PPL: variants seen among roughly 807,000 people sequenced by gnomAD.
PPL encodes the protein periplakin, also known as 190 kDa paraneoplastic pemphigus antigen.
A neutral mutation model predicts 194.4 loss-of-function variants in PPL; 198 were observed. The observed-to-expected ratio is 1.02, with a 90% CI of 0.91 to 1.15. PPL has a LOEUF of 1.15. PPL is among the 50% of genes most tolerant of loss of function. The probability of loss-of-function intolerance (pLI) is 0.00; values close to 1 mark genes in which losing one functional copy is unlikely to be tolerated. For missense variants in PPL, 2,885 were observed against 2,294.8 expected (o/e 1.26, Z -5.25); for synonymous variants, 1,220 against 972.4 (o/e 1.25, Z -4.74).
chr16:4,907,445 G>C (rs1568027960), intron 2 of PPL, among the ~76,000 whole-genome samples: 1 of 152,046 alleles, frequency 6.6e-6, no homozygotes, highest in Non-Finnish European at 1.5e-5. Flanking sequence ...TTTTCTGCAT[G>C]TTTAGCATTT....
chr16:4,912,549 T>A (rs2088839002), intron 1 of PPL, among the ~76,000 whole-genome samples: 1 of 152,272 alleles, frequency 6.6e-6, no homozygotes, highest in Non-Finnish European at 1.5e-5. Context: ...GTCTTATTTT[T>A]AATTACCTGA....
At position 4,892,081 on chromosome 16, in the gene PPL, G is replaced by A. The variant is rs756117489; in HGVS notation, c.1783C>T (p.Arg595Trp). The A allele has an allele frequency of 1.2e-5, 19 of 1,613,646 alleles. No individual in the cohort carries two copies. The highest frequency in any genetic ancestry group is 2.7e-5 in the African/African-American group (2 of 74,916). Residue 595 changes from arginine (R) to tryptophan (W), a missense_variant, in exon 15 of 22, where the codon CGG becomes TGG. By Grantham distance (101) the Arg-to-Trp change is moderately radical. Coordinates refer to ENST00000345988, the MANE Select transcript of PPL (RefSeq NM_002705.5). ...AGCTGCAGGAGGTGCTCGTATTTCC[G>A]GTTGGTGTCCTCCACCCGGGTCCTC... is the stretch of plus-strand genomic sequence containing the variant. ...LLRTRVEDTN[R>W]KYEHLLQLLD...
Position 4,883,608 on chromosome 16 carries a change from T to G in PPL, c.5047A>C (p.Asn1683His). Reference protein sequence around the residue: ...EAHRAGLIDWNMFVKLRSQEC... With the variant: ...EAHRAGLIDWHMFVKLRSQEC... ...TGGCTTCTGAGTTTCACGAACATGT[T>G]CCAGTCAATGAGCCCGGCACGGTGG... The change falls in exon 22 of 22, where the codon AAC becomes CAC. Residue 1683 changes from asparagine to histidine, a missense_variant. Coordinates refer to ENST00000345988, the MANE Select transcript of PPL (RefSeq NM_002705.5). This position sits in a 1 kb window ranked among gnomAD's most constrained non-coding sequence, Gnocchi z 4.8. The G allele has an allele frequency of 6.2e-7, 1 of 1,614,130 alleles. No homozygotes were observed. The highest frequency in any genetic ancestry group is 8.5e-7 in the Non-Finnish European group (1 of 1,180,016).
At chr16:4,917,304 G>C (rs1046204569) in intron 1 of PPL, among the ~76,000 whole-genome samples, 1 of 152,094 alleles carries the variant, frequency 6.6e-6, no homozygotes, top group Non-Finnish European at 1.5e-5. Flanking sequence ...AACCAAACGT[G>C]GTCTATCTCT....
chr16:4,895,131 G>A, intron 11 of PPL, 130 bp downstream of exon 11: 1 of 1,189,940 alleles, frequency 8.4e-7, no homozygotes, highest in Non-Finnish European at 1.1e-6. Context: ...ACCAGGGGAA[G>A]GGTTGGCAGA....
At chr16:4,901,207 C>G in intron 4 of PPL, 118 bp from the exon 5 acceptor site, 1 of 1,160,060 alleles carries the variant, frequency 8.6e-7, no homozygotes, top group Non-Finnish European at 1.2e-6. Flanking sequence ...CGGGGCCCTG[C>G]AGAGCCACAA....
intron 2 of PPL, among the ~76,000 whole-genome samples, chr16:4,904,690 C>T (rs1456442157): frequency 6.6e-6 from 1 of 151,770 alleles, no homozygotes; most frequent in Non-Finnish European, 1.5e-5. Context: ...AGGCGGGGGG[C>T]GGGGAGGGTG....
chr16:4,894,562 C>T lies in PPL; in HGVS notation c.1299G>A (p.Trp433Ter). 1 of 1,613,962 alleles carries T rather than the reference C, an allele frequency of 6.2e-7. No individual in the cohort carries two copies. Among genetic ancestry groups the T allele is most frequent in the Non-Finnish European group, 8.5e-7 (1 of 1,179,980 alleles). ...TGTTCCCAGCGCTGTCCATGAGCTC[C>T]CAGCTCTCCCCGTTGTTCTTCTGCA... ...YTLQKNNGES[W>*]ELMDSAGNKL... Residue 433 changes from tryptophan to a stop codon, truncating the protein, a stop_gained, in exon 12 of 22, where the codon TGG becomes TGA. Transcript: ENST00000345988. LOFTEE classifies it high-confidence loss of function.
At chr16:4,898,657 A>G (rs1433900439) in intron 8 of PPL, among the ~76,000 whole-genome samples, 1 of 152,180 alleles carries the variant, frequency 6.6e-6, no homozygotes, top group Non-Finnish European at 1.5e-5. Flanking sequence ...GAGCTTCCAG[A>G]GGGAATGAGG....
In PPL at chr16:4,887,184, T is replaced by C. The variant is rs1457375736; in HGVS notation, c.2558A>G (p.Asn853Ser). ...CTCCAGATTCTGCAGCCTCTGTCTG[T>C]TGATGGCATAAACTTCAGTGAACTT... ...AAKFTEVYAI[N>S]RQRLQNLEFA... Residue 853 changes from asparagine to serine, a missense_variant, in exon 21 of 22, where the codon AAC becomes AGC. Asn to Ser is a conservative substitution (Grantham distance 46). Coordinates refer to ENST00000345988, the MANE Select transcript of PPL (RefSeq NM_002705.5). 6.2e-7 allele frequency: 1 copy of C among 1,614,200 alleles called. No individual in the cohort carries two copies.
At chr16:4,893,680 AC>A in intron 12 of PPL, 42 bp from the exon 13 acceptor site, 1 of 1,496,808 alleles carries the variant, frequency 6.7e-7, no homozygotes. Context: ...GCAGCCCACC[AC>A]CCCCTGCACC....
chr16:4,921,598 C>G (rs181284235), intron 1 of PPL, among the ~76,000 whole-genome samples: 4,375 of 152,234 alleles, frequency 0.029, 205 homozygotes, highest in African/African-American at 0.1. Context: ...TCCCGAGCAG[C>G]TGGAATTACA....
intron 20 of PPL, 70 bp downstream of exon 20, chr16:4,888,032 A>G (rs1567990773): frequency 5.4e-6 from 6 of 1,114,108 alleles, no homozygotes; most frequent in Middle Eastern, 2.5e-4. Context: ...GTGTGACACC[A>G]TGCTCCCTGG....
chr16:4,896,665 A>T (rs1268148604), intron 9 of PPL, among the ~76,000 whole-genome samples: 1 of 125,788 alleles, frequency 7.9e-6, no homozygotes, highest in African/African-American at 3.2e-5. Context: ...TTTGAGGCGG[A>T]GACTCACTCT....
intron 9 of PPL, 47 bp downstream of exon 9, chr16:4,897,628 A>G (rs2088457884): frequency 6.7e-7 from 1 of 1,484,360 alleles, no homozygotes; most frequent in African/African-American, 1.4e-5. Context: ...GCGCTCTCAG[A>G]GAGTAGCACC....
In PPL at chr16:4,885,597, G is replaced by A. The variant is rs1210695062; in HGVS notation, c.3058C>T (p.Leu1020=). Residue 1020 remains leucine (L), a synonymous_variant, in exon 22 of 22, where the codon CTG becomes TTG. Coordinates refer to ENST00000345988, the MANE Select transcript of PPL (RefSeq NM_002705.5). The surrounding 1 kb of genome is among the most constrained non-coding windows in gnomAD (Gnocchi z 6.3). The stretch of plus-strand genomic sequence containing the variant: ...TCCCGGGCGCCCTTCTGCCGCCTCA[G>A]TGCCTCCAGCTCCTCCCGCAGCTGC... The part of the protein sequence containing the change: ...VLQLREELEA[L]RRQKGAREAE... 1.9e-6 allele frequency: 3 copies of A among 1,612,620 alleles called. No individual in the cohort carries two copies. The South Asian group carries it at 3.3e-5, about 18-fold the overall frequency.
At chr16:4,898,695 C>G (rs1414137357) in intron 8 of PPL, among the ~76,000 whole-genome samples, 1 of 152,212 alleles carries the variant, frequency 6.6e-6, no homozygotes, top group Non-Finnish European at 1.5e-5. Flanking sequence ...TTCAGACTTA[C>G]AGCCCACAGA....
At chr16:4,917,712 G>A (rs2088953367) in intron 1 of PPL, among the ~76,000 whole-genome samples, 1 of 151,858 alleles carries the variant, frequency 6.6e-6, no homozygotes, top group African/African-American at 2.4e-5. Flanking sequence ...AGCAGCCCGG[G>A]CAACATGGTG....
chr16:4,904,691 G>A (rs1035996871), intron 2 of PPL, among the ~76,000 whole-genome samples: 8 of 152,150 alleles, frequency 5.3e-5, no homozygotes, highest in African/African-American at 1.4e-4. Flanking sequence ...GGCGGGGGGC[G>A]GGGAGGGTGA....
Sources: allele counts gnomAD v4.1 joint callset (sites outside exome capture counted in the v4.1 genomes callset), GRCh38; gene constraint gnomAD v4.1.1; non-coding constraint Gnocchi (gnomAD v3.1); transcripts MANE v1.5; gene names NCBI Gene and HGNC (gene_info 2026-07-23, HGNC 2026-07-21).